The following SHISA9 variants were observed in gnomAD, a reference collection of about 807,000 sequenced individuals.
The protein encoded by SHISA9 is shisa family member 9.
A neutral mutation model predicts 38.0 loss-of-function variants in SHISA9; 13 were observed. That is an observed-to-expected ratio of 0.34 (90% CI 0.22 to 0.54). The LOEUF is 0.54. Ranked by LOEUF, SHISA9 falls within the 20% of genes least tolerant of loss-of-function variation. SHISA9 has a pLI of 0.91. For synonymous variants in SHISA9, 275 were observed against 242.0 expected (o/e 1.14, Z -1.27); for missense variants, 538 against 575.8 (o/e 0.93, Z 0.67).
chr16:13,327,405 C>G, the SHISA9 span, among the ~76,000 whole-genome samples: 1 of 152,082 alleles, frequency 6.6e-6, no homozygotes, highest in African/African-American at 2.4e-5. Flanking sequence ...CACCTGAGGT[C>G]AAGAGTTCGA....
chr16:13,008,314 A>G (rs929005280), intron 2 of SHISA9, among the ~76,000 whole-genome samples: 7 of 151,882 alleles, frequency 4.6e-5, no homozygotes, highest in Admixed American at 4.6e-4. Flanking sequence ...TCACATCCCC[A>G]CTCCTGAACT....
the SHISA9 span, among the ~76,000 whole-genome samples, chr16:13,497,660 G>A: frequency 1.3e-5 from 2 of 149,076 alleles, no homozygotes; most frequent in African/African-American, 5.0e-5. Flanking sequence ...ACTCCAGCCT[G>A]GGTAACAGAG....
chr16:13,521,615 G>C, the SHISA9 span, among the ~76,000 whole-genome samples: 2 of 152,178 alleles, frequency 1.3e-5, no homozygotes, highest in African/African-American at 4.8e-5. Context: ...CAAGGGTTTG[G>C]CATTAGAGTG....
chr16:13,369,577 AAGCAGAGGATGC>A, the SHISA9 span, among the ~76,000 whole-genome samples: 2 of 151,802 alleles, frequency 1.3e-5, no homozygotes, highest in Non-Finnish European at 2.9e-5. Context: ...CAAGCAAGAG[AAGCAGAGGATGC>A]AGCCAAGACT....
chr16:13,357,455 T>C, the SHISA9 span, among the ~76,000 whole-genome samples: 3 of 152,100 alleles, frequency 2.0e-5, no homozygotes, highest in Non-Finnish European at 4.4e-5. Context: ...AGATGTTTCT[T>C]GGGCTGGTGG....
the SHISA9 span, among the ~76,000 whole-genome samples, chr16:13,351,622 G>T: frequency 6.6e-6 from 1 of 152,118 alleles, no homozygotes; most frequent in Non-Finnish European, 1.5e-5. Context: ...TATTTCCTTA[G>T]AACTAGGGAA....
At chr16:12,910,770 A>G (rs549185818) in intron 1 of SHISA9, 5 of 965,824 alleles carry the variant, frequency 5.2e-6, no homozygotes, top group Non-Finnish European at 6.2e-6. Context: ...CAAATATACA[A>G]AGAGATTCAT....
At chr16:13,273,202 C>CA in the SHISA9 span, among the ~76,000 whole-genome samples, 29 of 151,302 alleles carry the variant, frequency 1.9e-4, no homozygotes, top group East Asian at 9.8e-4. Context: ...TACACCAATG[C>CA]AAAAAAAAGA....
intron 2 of SHISA9, among the ~76,000 whole-genome samples, chr16:12,943,325 GTGTGT>G (rs2071644188): frequency 4.4e-5 from 1 of 22,916 alleles, no homozygotes; most frequent in African/African-American, 1.6e-4. Flanking sequence ...GTGTGTGTGT[GTGTGT>G]GAGAGAGAGA....
At chr16:13,394,786 A>G in the SHISA9 span, among the ~76,000 whole-genome samples, 1 of 152,218 alleles carries the variant, frequency 6.6e-6, no homozygotes, top group Non-Finnish European at 1.5e-5. Flanking sequence ...TAATTGCTGT[A>G]GAAGAATCAG....
intron 3 of SHISA9, among the ~76,000 whole-genome samples, chr16:13,211,255 G>C (rs1045401475): frequency 4.6e-5 from 7 of 151,508 alleles, no homozygotes; most frequent in African/African-American, 1.5e-4. Flanking sequence ...CCAGTGAGTC[G>C]AGATTGTGCC....
At chr16:12,970,440 C>CATATATGTATATATAT (rs1567357216) in intron 2 of SHISA9, among the ~76,000 whole-genome samples, 39 of 34,978 alleles carry the variant, frequency 1.1e-3, no homozygotes, top group African/African-American at 5.1e-3. Flanking sequence ...TATATATATA[C>CATATATGTATATATAT]ACACATATAT....
intron 2 of SHISA9, among the ~76,000 whole-genome samples, chr16:13,111,962 G>C (rs2073982649): frequency 6.6e-6 from 1 of 152,160 alleles, no homozygotes; most frequent in African/African-American, 2.4e-5. Context: ...TAGGAAACTT[G>C]CCTAAAGACA....
intron 2 of SHISA9, among the ~76,000 whole-genome samples, chr16:13,127,501 A>T (rs2050272193): frequency 6.6e-6 from 1 of 151,962 alleles, no homozygotes; most frequent in South Asian, 2.1e-4. Context: ...GAGAGAAAAC[A>T]AGAAAAGGAT....
the SHISA9 span, among the ~76,000 whole-genome samples, chr16:13,524,651 TG>T: frequency 1.3e-5 from 2 of 152,190 alleles, no homozygotes; most frequent in South Asian, 4.1e-4. Context: ...CTCAAACTCC[TG>T]GGCTCAAGCA....
intron 2 of SHISA9, among the ~76,000 whole-genome samples, chr16:13,066,187 C>A (rs1327978085): frequency 2.0e-5 from 3 of 152,204 alleles, no homozygotes; most frequent in African/African-American, 7.2e-5. Context: ...TGGCACTTTT[C>A]TCGGCCTGGG....
chr16:13,189,933 G>A (rs979718317), intron 2 of SHISA9, among the ~76,000 whole-genome samples: 1 of 152,120 alleles, frequency 6.6e-6, no homozygotes, highest in African/African-American at 2.4e-5. Context: ...TAGGAGGAGA[G>A]GGACGCAGAG....
chr16:13,266,546 T>C, the SHISA9 span, among the ~76,000 whole-genome samples: 12 of 152,118 alleles, frequency 7.9e-5, no homozygotes, highest in African/African-American at 1.4e-4. Flanking sequence ...TTCCCACAGG[T>C]ACTGGCTGTT....
rs2051384499 is a variant in SHISA9 at position 13,236,345 on chromosome 16, A to G, written c.*936A>G. 1 of 151,894 alleles carries G rather than the reference A, an allele frequency of 6.6e-6. No individual in the cohort carries two copies. Among genetic ancestry groups the G allele is most frequent in the South Asian group, 2.1e-4 (1 of 4,802 alleles). The allele number at this position is 151,894 out of a possible 1,614,324, so 9.4% of individuals were successfully genotyped here. ...TCTTGAAGACTTGTTGACATTAACA[A>G]CAACAAATCCACAGTTGGAAAAGTC... is the stretch of plus-strand genomic sequence containing the variant. On this transcript the variant is annotated 3_prime_UTR_variant, in exon 5 of 5. Transcript: ENST00000558583.
Sources: allele counts gnomAD v4.1 joint callset (sites outside exome capture counted in the v4.1 genomes callset), GRCh38; gene constraint gnomAD v4.1.1; transcripts MANE v1.5; gene names NCBI Gene and HGNC (gene_info 2026-07-23, HGNC 2026-07-21).